The following NCS1 variants were observed in gnomAD, a reference collection of about 807,000 sequenced individuals.
NCS1 encodes frequenin homolog.
NCS1 carries 6 observed loss-of-function variants against 28.4 expected under a neutral mutation model. The observed-to-expected ratio is 0.21, with a 90% CI of 0.12 to 0.42. NCS1 has a LOEUF of 0.42. Among genes scored for constraint, NCS1 ranks in the 10% least tolerant of loss-of-function variants. The pLI is 1.00. For synonymous variants in NCS1, 86 were observed against 99.3 expected (o/e 0.87, Z 0.79); for missense variants, 131 against 241.4 (o/e 0.54, Z 3.03).
At chr9:130,202,417 C>A (rs549347557) in intron 2 of NCS1, among the ~76,000 whole-genome samples, 1 of 149,298 alleles carries the variant, frequency 6.7e-6, no homozygotes, top group South Asian at 2.2e-4. Flanking sequence ...CTGGGACAGC[C>A]GATGACTTAC....
At position 130,215,792 on chromosome 9, in the gene NCS1, G is replaced by A. The variant is rs1363481671; in HGVS notation, c.90-2040G>A. Among the ~76,000 whole-genome samples, 2 of 152,132 alleles carry A rather than the reference G, an allele frequency of 1.3e-5. No individual in the cohort carries two copies. The highest frequency in any genetic ancestry group is 4.8e-5 in the African/African-American group (2 of 41,430). On this transcript the variant is annotated intron_variant, in intron 2 of 7. Transcript: ENST00000372398. This position sits in a 1 kb window ranked among gnomAD's most constrained non-coding sequence, Gnocchi z 4.2. ...GGCACCCTTCAAGGTGTTCTGGGGT[G>A]GGGACAGGGAAAGGTGCAGAGGGCT...
In NCS1 at chr9:130,219,098, T is replaced by A. The variant is rs569246883; in HGVS notation, c.229-627T>A. 6.6e-6 allele frequency among the ~76,000 whole-genome samples: 1 copy of A among 152,256 alleles called. No individual in the cohort carries two copies. The highest frequency in any genetic ancestry group is 2.1e-4 in the South Asian group (1 of 4,824). ...GGGCAGTGGCTGCACGGATAGCTGT[T>A]GGGTTATCTGCGATGACCCTGATTC... On this transcript the variant is annotated intron_variant, in intron 3 of 7. Transcript: ENST00000372398. The surrounding 1 kb of genome is among the most constrained non-coding windows in gnomAD (Gnocchi z 5.7).
intron 1 of NCS1, among the ~76,000 whole-genome samples, chr9:130,176,194 C>CTTT (rs35934993): frequency 1.0e-4 from 5 of 50,134 alleles, no homozygotes; most frequent in African/African-American, 3.4e-4. Context: ...TTCTTTCTTT[C>CTTT]TTTTTTTTTT....
intron 1 of NCS1, among the ~76,000 whole-genome samples, chr9:130,178,154 T>C (rs2131114255): frequency 6.6e-6 from 1 of 152,348 alleles, no homozygotes; most frequent in Admixed American, 6.5e-5. Flanking sequence ...CATGAGCTGC[T>C]GCGCCTGGCC....
At chr9:130,216,530 A>G (rs1345634746) in intron 2 of NCS1, among the ~76,000 whole-genome samples, 8 of 152,190 alleles carry the variant, frequency 5.3e-5, no homozygotes, top group Admixed American at 3.3e-4. Flanking sequence ...AGCCTGGCCA[A>G]CATGGCAAAA....
At chr9:130,184,135 G>A (rs994564282) in intron 1 of NCS1, among the ~76,000 whole-genome samples, 8 of 152,096 alleles carry the variant, frequency 5.3e-5, no homozygotes, top group Non-Finnish European at 1.0e-4. Context: ...CTTCTGCTAT[G>A]GGAAACAGAA....
chr9:130,179,999 CTATCTATCTAT>C (rs1564701834), intron 1 of NCS1, among the ~76,000 whole-genome samples: 40 of 558 alleles, frequency 0.072, no homozygotes, highest in Admixed American at 0.17. Context: ...TTCTTTTTAT[CTATCTATCTAT>C]CTATCTATCT....
rs72288388 is a variant in NCS1, at chr9:130,181,506, T to TG, written c.64+8784dup. ...TCACCAATTCCACCCAGGAGCCCTG[T>TG]GGGGGTCCCCTTTTTACAGATGAGG... On this transcript the variant is annotated intron_variant, in intron 1 of 7. Coordinates refer to ENST00000372398, the MANE Select transcript of NCS1 (RefSeq NM_014286.4). The surrounding 1 kb of genome is among the most constrained non-coding windows in gnomAD (Gnocchi z 5.0). Among the ~76,000 whole-genome samples, 1 of 151,942 alleles carries TG rather than the reference T, an allele frequency of 6.6e-6. No homozygotes were observed. The highest frequency in any genetic ancestry group is 1.9e-4 in the East Asian group (1 of 5,148).
intron 1 of NCS1, among the ~76,000 whole-genome samples, chr9:130,178,898 GCCCTC>G (rs1440517804): frequency 5.8e-5 from 1 of 17,266 alleles, no homozygotes; most frequent in Non-Finnish European, 1.1e-4. Flanking sequence ...CCCCTCCCCT[GCCCTC>G]CCCTCCCCTT....
chr9:130,192,160 G>A lies in NCS1; in HGVS notation c.65-8798G>A, dbSNP rs781853850. 1.3e-5 allele frequency among the ~76,000 whole-genome samples: 2 copies of A among 152,136 alleles called. No homozygotes were observed. The highest frequency in any genetic ancestry group is 4.8e-5 in the African/African-American group (2 of 41,418). On this transcript the variant is annotated intron_variant, in intron 1 of 7. Coordinates refer to ENST00000372398, the MANE Select transcript of NCS1 (RefSeq NM_014286.4). This position sits in a 1 kb window ranked among gnomAD's most constrained non-coding sequence, Gnocchi z 4.8. ...ACAGGTATGGGATTGGGAGTGGGGG[G>A]TGGTCTCTCTTCTCACCCTGGCAGG...
chr9:130,174,451 G>A (rs918107259), intron 1 of NCS1, among the ~76,000 whole-genome samples: 10 of 152,310 alleles, frequency 6.6e-5, no homozygotes, highest in Non-Finnish European at 1.2e-4. Context: ...GCATTCCCAT[G>A]ATCCCACAGC....
chr9:130,192,979 A>T lies in NCS1; in HGVS notation c.65-7979A>T, dbSNP rs1832836745. Among the ~76,000 whole-genome samples the T allele has an allele frequency of 6.6e-6, 1 of 152,230 alleles. No individual in the cohort carries two copies. The highest frequency in any genetic ancestry group is 2.4e-5 in the African/African-American group (1 of 41,460). On this transcript the variant is annotated intron_variant, in intron 1 of 7. Transcript: ENST00000372398. The surrounding 1 kb of genome is among the most constrained non-coding windows in gnomAD (Gnocchi z 4.8). ...ACCCAAACTGGGGAAAAAACCGGTC[A>T]CACAGCAACGGAGTGGCAGATCCCT... is the stretch of plus-strand genomic sequence containing the variant.
rs529512690 is a variant in NCS1, at chr9:130,183,846, G to A, written c.64+11119G>A. Among the ~76,000 whole-genome samples, 4 of 140,278 alleles carry A rather than the reference G, an allele frequency of 2.9e-5. No individual in the cohort carries two copies. In the Admixed American group the frequency reaches 3.0e-4, roughly 11 times the overall value. 92.0% of individuals were successfully genotyped at this position (140,278 alleles called of 152,430 possible). Reference sequence around the variant, plus strand: ...TTTTTTTGAGACAGAGTCTCGCTCTGTCGCCCAGGCTGGAGTGCAGTGGCA... The same window carrying A: ...TTTTTTTGAGACAGAGTCTCGCTCTATCGCCCAGGCTGGAGTGCAGTGGCA... On this transcript the variant is annotated intron_variant, in intron 1 of 7. Transcript: ENST00000372398.
At chr9:130,196,489 A>G (rs1554906849) in intron 1 of NCS1, among the ~76,000 whole-genome samples, 2 of 152,236 alleles carry the variant, frequency 1.3e-5, no homozygotes, top group African/African-American at 4.8e-5. Context: ...CTGTAACCCC[A>G]GCACTTTGGG....
intron 4 of NCS1, among the ~76,000 whole-genome samples, chr9:130,222,087 T>TAC (rs782061082): frequency 3.5e-5 from 3 of 85,682 alleles, no homozygotes; most frequent in Non-Finnish European, 6.6e-5. Context: ...TATAAATATA[T>TAC]ATATGTGTGT....
chr9:130,224,734 C>T (rs1186590124), intron 6 of NCS1, among the ~76,000 whole-genome samples: 1 of 152,086 alleles, frequency 6.6e-6, no homozygotes, highest in Non-Finnish European at 1.5e-5. Flanking sequence ...ATATAACAAA[C>T]CTGCACATGT....
intron 1 of NCS1, among the ~76,000 whole-genome samples, chr9:130,179,564 T>C (rs373085668): frequency 4.3e-4 from 66 of 152,324 alleles, no homozygotes; most frequent in African/African-American, 1.4e-3. Context: ...GGGGATGTTT[T>C]GAAAGGCTTT....
chr9:130,229,265 C>CTT (rs35011671), intron 7 of NCS1, among the ~76,000 whole-genome samples: 145 of 141,678 alleles, frequency 1.0e-3, no homozygotes, highest in African/African-American at 3.4e-3. Flanking sequence ...ATTAATATTT[C>CTT]TTTTTTTTTT....
intron 2 of NCS1, among the ~76,000 whole-genome samples, chr9:130,216,542 C>G (rs546171647): frequency 2.0e-5 from 3 of 152,214 alleles, no homozygotes; most frequent in African/African-American, 7.2e-5. Flanking sequence ...ATGGCAAAAC[C>G]CTGTCTCTAC....
Sources: gnomAD v4.1 joint callset for allele counts (sites outside exome capture counted in the v4.1 genomes callset) on GRCh38, gnomAD v4.1.1 for gene constraint, Gnocchi (gnomAD v3.1) non-coding constraint, MANE v1.5 for transcripts, NCBI Gene and HGNC (gene_info 2026-07-23, HGNC 2026-07-21) for gene names.